Variants in DUT observed in about 807,000 individuals in gnomAD.
DUT encodes the protein deoxyuridine 5'-triphosphate nucleotidohydrolase, mitochondrial.
A neutral mutation model predicts 28.8 loss-of-function variants in DUT; 21 were observed. The ratio of observed to expected loss-of-function variants is 0.73; its 90% CI spans 0.52 to 1.05. The LOEUF is 1.05. DUT is among the 50% of genes least tolerant of loss of function. The pLI, the probability that DUT is intolerant of heterozygous loss-of-function variation, is 0.00. For missense variants in DUT, 344 were observed against 351.8 expected (o/e 0.98, Z 0.18); for synonymous variants, 147 against 143.7 (o/e 1.02, Z -0.17).
intron 4 of DUT, chr15:48,340,372 T>C (rs1358736042): frequency 6.6e-6 from 1 of 152,142 alleles, no homozygotes; most frequent in Non-Finnish European, 1.5e-5. Flanking sequence ...GTGACGATAG[T>C]TGGCCAACTC....
chr15:48,342,114 C>CT lies in DUT; in HGVS notation c.*41dup. ...AAGAACAGAAAACAAGAAGTCATAC[C>CT]TTTTTCTTAAAAAAAAAAAAAAAGT... On this transcript the variant is annotated 3_prime_UTR_variant, in exon 7 of 7. Coordinates refer to ENST00000331200, the MANE Select transcript of DUT (RefSeq NM_001025248.2). 7.1e-7 allele frequency: 1 copy of CT among 1,405,998 alleles called. No homozygotes were observed. The highest frequency in any genetic ancestry group is 9.5e-7 in the Non-Finnish European group (1 of 1,053,818). The allele number at this position is 1,405,998 out of a possible 1,614,324, so 87.1% of individuals were successfully genotyped here.
At chr15:48,331,100 A>G, upstream of DUT, 2 of 932,642 alleles carry the variant, frequency 2.1e-6, no homozygotes, top group Non-Finnish European at 2.8e-6. Flanking sequence ...CGGGCGCAAT[A>G]ACTGTCACCG....
At chr15:48,331,906 G>T (rs28381102) in intron 1 of DUT, 111 bp downstream of exon 1, 3 of 570,088 alleles carry the variant, frequency 5.3e-6, no homozygotes, top group Middle Eastern at 5.0e-4. Flanking sequence ...GGGCGGGGGG[G>T]GTGGGGTGGT....
chr15:48,342,791 T>C lies in DUT; in HGVS notation c.*713T>C, dbSNP rs375970947. On this transcript the variant is annotated 3_prime_UTR_variant, in exon 7 of 7. Transcript: ENST00000331200. ...CTTGAATTTCATCTCATCAGGCAAATTGTACTAGTTGTAGTTACGAGTTTT... is the reference window on the plus strand; with the variant it reads ...CTTGAATTTCATCTCATCAGGCAAACTGTACTAGTTGTAGTTACGAGTTTT... 2 of 152,208 alleles carry C rather than the reference T, an allele frequency of 1.3e-5. No homozygotes were observed. The highest frequency in any genetic ancestry group is 3.8e-4 in the East Asian group (2 of 5,202). The allele number at this position is 152,208 out of a possible 1,614,324, so 9.4% of individuals were successfully genotyped here. A position where few individuals can be genotyped will look rare whatever the true frequency, so the allele number is the denominator to read the frequency against.
chr15:48,332,258 T>A lies in DUT; in HGVS notation c.281-10T>A, dbSNP rs762056331. 1.9e-6 allele frequency: 3 copies of A among 1,603,208 alleles called. No individual in the cohort carries two copies. Among genetic ancestry groups the A allele is most frequent in the Non-Finnish European group, 2.6e-6 (3 of 1,176,210 alleles). On this transcript the variant is annotated splice_polypyrimidine_tract_variant and intron_variant, in intron 1 of 6. Transcript: ENST00000331200. Reference sequence around the variant, plus strand: ...CTCGCCTTCTGGCTCTGCCATGCCCTGCTCTGAAGAGACACCCGCCATTTC... The same window carrying A: ...CTCGCCTTCTGGCTCTGCCATGCCCAGCTCTGAAGAGACACCCGCCATTTC...
chr15:48,332,138 TG>T (rs2042421338), intron 1 of DUT, 129 bp from the exon 2 acceptor site: 7 of 1,394,932 alleles, frequency 5.0e-6, no homozygotes, highest in Non-Finnish European at 6.5e-6. Flanking sequence ...GGAGGGGCGG[TG>T]GGTGGGGCGG....
chr15:48,336,980 C>T (rs2042482888), intron 4 of DUT, among the ~76,000 whole-genome samples: 1 of 152,164 alleles, frequency 6.6e-6, no homozygotes, highest in South Asian at 2.1e-4. Flanking sequence ...TCCCCCTCAC[C>T]AACTAAACAC....
intron 1 of DUT, 63 bp downstream of exon 1, chr15:48,331,858 G>C (rs939169014): frequency 8.0e-7 from 1 of 1,248,940 alleles, no homozygotes; most frequent in Middle Eastern, 2.9e-4. Flanking sequence ...TGAGGCTGTG[G>C]GGGAAGTAGG....
upstream of DUT, chr15:48,331,208 G>C: frequency 6.6e-7 from 1 of 1,517,990 alleles, no homozygotes; most frequent in Non-Finnish European, 8.8e-7. Flanking sequence ...CAGTCCAGGA[G>C]CAGGGCCCGG....
rs2042412074 is a variant in DUT at position 48,331,691 on chromosome 15, G to A, written c.176G>A (p.Ser59Asn). Reference sequence around the variant, plus strand: ...CACGGGATTCCCCGGCCGCTGTCCAGCGCTGGCCGCCTGAGCCAAGGCTGC... The same window carrying A: ...CACGGGATTCCCCGGCCGCTGTCCAACGCTGGCCGCCTGAGCCAAGGCTGC... Reference protein sequence around the residue: ...AQHGIPRPLSSAGRLSQGCRG... With the variant: ...AQHGIPRPLSNAGRLSQGCRG... Residue 59 changes from serine to asparagine, a missense_variant, in exon 1 of 7, where the codon AGC (serine) becomes AAC (asparagine). Ser to Asn is a conservative substitution (Grantham distance 46). Transcript: ENST00000331200. The A allele has an allele frequency of 2.0e-6, 3 of 1,522,450 alleles. No homozygotes were observed. Among genetic ancestry groups the A allele is most frequent in the Non-Finnish European group, 1.8e-6 (2 of 1,135,856 alleles). The allele number at this position is 1,522,450 out of a possible 1,614,324, so 94.3% of individuals were successfully genotyped here.
intron 4 of DUT, among the ~76,000 whole-genome samples, chr15:48,340,561 A>G (rs1222470242): frequency 6.6e-6 from 1 of 152,182 alleles, no homozygotes; most frequent in Non-Finnish European, 1.5e-5. Context: ...TCTGGTAAGT[A>G]TAACTCTCTG....
At position 48,341,600 on chromosome 15, in the gene DUT, GGAA is replaced by G; in HGVS notation, c.702+18_702+20del. 1 of 1,587,900 alleles carries G rather than the reference GGAA, an allele frequency of 6.3e-7. No individual in the cohort carries two copies. Among genetic ancestry groups the G allele is most frequent in the South Asian group, 1.1e-5 (1 of 89,916 alleles). ...AAGAAGTTCAAGTAAGTATTACAAA[GGAA>G]GATACAGAATAAGTAATATAACATC... On this transcript the variant is annotated intron_variant, in intron 6 of 6. Transcript: ENST00000331200.
At chr15:48,333,899 G>C (rs1224689222) in intron 2 of DUT, among the ~76,000 whole-genome samples, 1 of 152,140 alleles carries the variant, frequency 6.6e-6, no homozygotes, top group East Asian at 1.9e-4. Flanking sequence ...ACAGATCATT[G>C]TGAGAATAAA....
chr15:48,331,765 A>C lies in DUT; in HGVS notation c.250A>C (p.Lys84Gln). The change falls in exon 1 of 7, where the codon AAG becomes CAG. Residue 84 changes from lysine to glutamine, a missense_variant. Coordinates refer to ENST00000331200, the MANE Select transcript of DUT (RefSeq NM_001025248.2). ...GAAGWKGELP[K>Q]AGGSPAPGPE... Reference sequence around the variant, plus strand: ...CGCTGGCTGGAAGGGCGAGCTTCCTAAGGCGGGGGGAAGCCCGGCGCCGGG... The same window carrying C: ...CGCTGGCTGGAAGGGCGAGCTTCCTCAGGCGGGGGGAAGCCCGGCGCCGGG... 7.1e-7 allele frequency: 1 copy of C among 1,399,878 alleles called. No homozygotes were observed. The highest frequency in any genetic ancestry group is 1.5e-5 in the African/African-American group (1 of 65,960). The allele number at this position is 1,399,878 out of a possible 1,614,324, so 86.7% of individuals were successfully genotyped here. A position where few individuals can be genotyped will look rare whatever the true frequency, so the allele number is the denominator to read the frequency against.
chr15:48,337,094 G>A (rs1303271976), intron 4 of DUT, among the ~76,000 whole-genome samples: 1 of 152,168 alleles, frequency 6.6e-6, no homozygotes, highest in Non-Finnish European at 1.5e-5. Flanking sequence ...TTTGGTGGGT[G>A]TGGTGTCTCT....
chr15:48,332,058 C>G, intron 1 of DUT: 1 of 1,183,188 alleles, frequency 8.5e-7, no homozygotes, highest in Middle Eastern at 3.0e-4. Flanking sequence ...ACCTGCTTTC[C>G]GAGAAGGGCT....
intron 3 of DUT, among the ~76,000 whole-genome samples, chr15:48,334,744 A>G (rs1204429501): frequency 1.3e-5 from 2 of 152,206 alleles, no homozygotes; most frequent in East Asian, 3.8e-4. Flanking sequence ...ACACTGGCCT[A>G]GAAGGCTGTT....
chr15:48,331,241 A>C, upstream of DUT: 3 of 1,481,480 alleles, frequency 2.0e-6, no homozygotes, highest in Non-Finnish European at 2.7e-6. Flanking sequence ...CTCTCGGAAA[A>C]ATGGGGGCCA....
At position 48,332,186 on chromosome 15, in the gene DUT, C is replaced by G. The variant is rs1197733129; in HGVS notation, c.281-82C>G. The G allele has an allele frequency of 4.0e-6, 6 of 1,489,376 alleles. No homozygotes were observed. The Admixed American group carries it at 1.4e-4, about 35-fold the overall frequency. The allele number at this position is 1,489,376 out of a possible 1,614,324, so 92.3% of individuals were successfully genotyped here. A position where few individuals can be genotyped will look rare whatever the true frequency, so the allele number is the denominator to read the frequency against. On this transcript the variant is annotated intron_variant, in intron 1 of 6. Transcript: ENST00000331200. Reference sequence around the variant, plus strand: ...AATTTCGGTTTTGGCGCGCTCCCTGCGGCGACGCTCATCGTGCGCTCTCCT... The same window carrying G: ...AATTTCGGTTTTGGCGCGCTCCCTGGGGCGACGCTCATCGTGCGCTCTCCT...
Sources: allele counts gnomAD v4.1 joint callset (sites outside exome capture counted in the v4.1 genomes callset), GRCh38; gene constraint gnomAD v4.1.1; transcripts MANE v1.5; gene names NCBI Gene and HGNC (gene_info 2026-07-23, HGNC 2026-07-21).